Variants in NPHP1 observed in about 807,000 individuals in gnomAD.
NPHP1 encodes the protein nephrocystin 1, also known as nephrocystin-1.
In NPHP1, 70 loss-of-function variants were observed where a neutral mutation model predicts 90.4. The observed-to-expected ratio is 0.77, with a 90% CI of 0.64 to 0.95. The LOEUF is 0.95. Among genes scored for constraint, NPHP1 ranks in the 40% least tolerant of loss-of-function variants. NPHP1 has a pLI of 0.00. For missense variants in NPHP1, 764 were observed against 795.9 expected (o/e 0.96, Z 0.48); for synonymous variants, 256 against 271.7 (o/e 0.94, Z 0.57).
chr2:110,129,166 T>C lies in NPHP1; in HGVS notation c.1716+20A>G, dbSNP rs780438944. The stretch of plus-strand genomic sequence containing the variant: ...GCTTCCATAAGCCAGCAGGTTTCCA[T>C]TGCAATGCATGCTACCCACCCTGAG... On this transcript the variant is annotated intron_variant, in intron 18 of 19. Coordinates refer to ENST00000445609, the MANE Select transcript of NPHP1 (RefSeq NM_001128178.3). The C allele has an allele frequency of 8.1e-6, 13 of 1,596,220 alleles. No homozygotes were observed. Among genetic ancestry groups the C allele is most frequent in the South Asian group, 3.3e-5 (3 of 89,926 alleles).
chr2:110,141,747 C>T (rs1046241458), intron 16 of NPHP1, among the ~76,000 whole-genome samples: 23 of 151,868 alleles, frequency 1.5e-4, no homozygotes, highest in Middle Eastern at 6.8e-3. Flanking sequence ...CCGAGGTGGG[C>T]GGATCACGAG....
At chr2:110,157,933 C>A (rs1215890541) in intron 11 of NPHP1, among the ~76,000 whole-genome samples, 1 of 152,166 alleles carries the variant, frequency 6.6e-6, no homozygotes, top group African/African-American at 2.4e-5. Context: ...ACATAAGCAT[C>A]TAGTGCTATA....
At chr2:110,165,249 C>CAA in intron 6 of NPHP1, 94 bp from the exon 7 acceptor site, 1 of 951,604 alleles carries the variant, frequency 1.1e-6, no homozygotes, top group Non-Finnish European at 1.7e-6. Context: ...CCAGTAAAAA[C>CAA]AAAAACAAGC....
chr2:110,203,371 C>T (rs973027773), intron 1 of NPHP1, among the ~76,000 whole-genome samples: 4 of 151,926 alleles, frequency 2.6e-5, no homozygotes, highest in Non-Finnish European at 5.9e-5. Context: ...CACAGTGTTC[C>T]CATGTGACAG....
chr2:110,203,286 C>G (rs1447860821), intron 1 of NPHP1, among the ~76,000 whole-genome samples: 2 of 152,012 alleles, frequency 1.3e-5, no homozygotes, highest in African/African-American at 4.8e-5. Context: ...GGAATGAAGA[C>G]TGAAAGACTG....
At chr2:110,125,953 A>G in intron 18 of NPHP1, 1 of 487,548 alleles carries the variant, frequency 2.1e-6, no homozygotes. Flanking sequence ...AAACACTAAC[A>G]CATCCATGAA....
Position 110,143,481 on chromosome 2 carries a change from A to C in NPHP1, c.1529+61T>G, listed in dbSNP as rs2104479660. 8 of 1,118,494 alleles carry C rather than the reference A, an allele frequency of 7.2e-6. No homozygotes were observed. The South Asian group carries it at 9.9e-5, about 14-fold the overall frequency. The allele number at this position is 1,118,494 out of a possible 1,614,324, so 69.3% of individuals were successfully genotyped here. On this transcript the variant is annotated intron_variant, in intron 16 of 19. Transcript: ENST00000445609. ...AAATATGAGGAAAAGCCAAAAGCAG[A>C]GATGGTCTCCAAGTGCTGAATGATC...
intron 2 of NPHP1, chr2:110,184,530 G>A: frequency 8.0e-7 from 1 of 1,245,856 alleles, no homozygotes; most frequent in Admixed American, 1.8e-5. Flanking sequence ...GGTGGTGCTG[G>A]ATTCTGGGGA....
In NPHP1 at chr2:110,123,671, A is replaced by T; in HGVS notation, c.*120T>A. ...TTCTTTAAAAATATGGTCTGTAGAAAGAAAAGAGTAAAACCTAAGTTGTAA... is the reference window on the plus strand; with the variant it reads ...TTCTTTAAAAATATGGTCTGTAGAATGAAAAGAGTAAAACCTAAGTTGTAA... On this transcript the variant is annotated 3_prime_UTR_variant, in exon 20 of 20. Transcript: ENST00000445609. 2.1e-6 allele frequency: 2 copies of T among 953,504 alleles called. No homozygotes were observed. The highest frequency in any genetic ancestry group is 2.8e-5 in the South Asian group (2 of 71,826). The allele number at this position is 953,504 out of a possible 1,614,324, so 59.1% of individuals were successfully genotyped here.
chr2:110,148,108 A>C, intron 12 of NPHP1, 82 bp from the exon 13 acceptor site: 1 of 905,450 alleles, frequency 1.1e-6, no homozygotes, highest in Non-Finnish European at 1.8e-6. Flanking sequence ...AAATGTCCCC[A>C]CCAAATTTCA....
chr2:110,137,153 C>T (rs1248966380), intron 16 of NPHP1, among the ~76,000 whole-genome samples: 1 of 152,058 alleles, frequency 6.6e-6, no homozygotes, highest in Non-Finnish European at 1.5e-5. Context: ...CCCTTCCTTA[C>T]ACCTTATACA....
chr2:110,137,437 C>A (rs1187232427), intron 16 of NPHP1, among the ~76,000 whole-genome samples: 5 of 151,932 alleles, frequency 3.3e-5, no homozygotes, highest in African/African-American at 9.7e-5. Flanking sequence ...TGACAAAGGG[C>A]TAATATACAG....
intron 11 of NPHP1, among the ~76,000 whole-genome samples, chr2:110,153,525 G>A (rs1281994863): frequency 6.6e-6 from 1 of 152,104 alleles, no homozygotes; most frequent in Non-Finnish European, 1.5e-5. Flanking sequence ...AAGAACTAAA[G>A]GAAGGTAAGG....
chr2:110,170,446 G>A (rs1683040946), intron 4 of NPHP1, among the ~76,000 whole-genome samples: 1 of 152,144 alleles, frequency 6.6e-6, no homozygotes, highest in East Asian at 1.9e-4. Context: ...TTCTAAGATT[G>A]TCATGAGGAT....
At chr2:110,195,814 C>T (rs1271660157) in intron 2 of NPHP1, among the ~76,000 whole-genome samples, 3 of 152,034 alleles carry the variant, frequency 2.0e-5, no homozygotes, top group Non-Finnish European at 2.9e-5. Flanking sequence ...AGATATAGAC[C>T]TATGGAATAG....
At chr2:110,183,693 T>A (rs1684073886) in intron 2 of NPHP1, among the ~76,000 whole-genome samples, 1 of 152,064 alleles carries the variant, frequency 6.6e-6, no homozygotes, top group African/African-American at 2.4e-5. Context: ...TGGACTCCCA[T>A]ACAATAATAG....
At chr2:110,177,544 T>C (rs921398233) in intron 4 of NPHP1, among the ~76,000 whole-genome samples, 1 of 152,036 alleles carries the variant, frequency 6.6e-6, no homozygotes, top group African/African-American at 2.4e-5. Context: ...AAAATGTAGA[T>C]TTCCAGATTA....
At chr2:110,178,204 A>C in intron 4 of NPHP1, 2 of 543,174 alleles carry the variant, frequency 3.7e-6, no homozygotes, top group Non-Finnish European at 3.2e-6. Flanking sequence ...TTTCAACTAA[A>C]TTATAAATTG....
chr2:110,160,233 A>C lies in NPHP1; in HGVS notation c.977T>G (p.Ile326Ser), dbSNP rs769156759. Residue 326 changes from isoleucine (I) to serine (S), a missense_variant, in exon 11 of 20, where the codon ATT (isoleucine) becomes AGT (serine). Physicochemically the swap from Ile to Ser is moderately radical, Grantham distance 142. Transcript: ENST00000445609. ...EGTIRSRPSR[I>S]SLILTLWSCK... is the part of the protein sequence containing the mutation. ...GCTCCATAATGTCAGAATCAATGAA[A>C]TACGACTTGGTCTCGACCTAATCTG... The C allele has an allele frequency of 1.2e-6, 2 of 1,611,548 alleles. No homozygotes were observed. The highest frequency in any genetic ancestry group is 1.7e-6 in the Non-Finnish European group (2 of 1,177,734).
Sources: allele counts gnomAD v4.1 joint callset (sites outside exome capture counted in the v4.1 genomes callset), GRCh38; gene constraint gnomAD v4.1.1; transcripts MANE v1.5; gene names NCBI Gene and HGNC (gene_info 2026-07-23, HGNC 2026-07-21).